The following DENND1A variants were observed in gnomAD, a reference collection of about 807,000 sequenced individuals.
DENND1A encodes the protein DENN domain containing 1A.
A neutral mutation model predicts 113.7 loss-of-function variants in DENND1A; 51 were observed. The observed-to-expected ratio is 0.45, with a 90% CI of 0.36 to 0.57. The LOEUF (loss-of-function observed/expected upper bound fraction) is 0.57, where lower values mean the gene tolerates loss of function less well. Ranked by LOEUF, DENND1A falls within the 20% of genes least tolerant of loss-of-function variation. The pLI is 0.00. For missense variants in DENND1A, 1,258 were observed against 1,395.9 expected, an observed-to-expected ratio of 0.90 and a Z score of 1.57; for synonymous variants, 565 against 570.8, an observed-to-expected ratio of 0.99 and a Z score of 0.14.
At position 123,517,177 on chromosome 9, in the gene DENND1A, C is replaced by G. The variant is rs1040092583; in HGVS notation, c.993+40393G>C. On this transcript the variant is annotated intron_variant, in intron 13 of 23. Coordinates refer to ENST00000394215, the MANE Select transcript of DENND1A (RefSeq NM_001352964.2). ...CTGAGGCAGGAGAATGGTGTGAACC[C>G]GGGATGTGGAGCTTGCAGTGAGCCG... 9.3e-5 allele frequency among the ~76,000 whole-genome samples: 14 copies of G among 150,050 alleles called. 1 individual carries two copies. The highest frequency in any genetic ancestry group is 2.7e-4 in the Admixed American group (4 of 15,006).
At chr9:123,834,797 T>C (rs1451423849) in intron 2 of DENND1A, among the ~76,000 whole-genome samples, 1 of 152,208 alleles carries the variant, frequency 6.6e-6, no homozygotes, top group Admixed American at 6.5e-5. Flanking sequence ...AGCTTGGAGC[T>C]AGGAAACCAA....
At chr9:123,687,060 A>C (rs2064855591) in intron 5 of DENND1A, among the ~76,000 whole-genome samples, 1 of 152,162 alleles carries the variant, frequency 6.6e-6, no homozygotes, top group Non-Finnish European at 1.5e-5. Flanking sequence ...TCAGGGAAGC[A>C]GTTCTGTCTC....
At chr9:123,762,264 C>T (rs1327998780) in intron 4 of DENND1A, among the ~76,000 whole-genome samples, 1 of 152,174 alleles carries the variant, frequency 6.6e-6, no homozygotes, top group Non-Finnish European at 1.5e-5. Context: ...CAGAAATAAA[C>T]CCAGGAGACC....
intron 12 of DENND1A, among the ~76,000 whole-genome samples, chr9:123,578,780 T>C (rs983540364): frequency 3.9e-5 from 6 of 152,114 alleles, no homozygotes. Context: ...CAAGGGGCTG[T>C]GGGGACATAG....
chr9:123,591,119 ACT>A (rs1480330397), intron 11 of DENND1A, among the ~76,000 whole-genome samples: 1 of 152,092 alleles, frequency 6.6e-6, no homozygotes, highest in Non-Finnish European at 1.5e-5. Flanking sequence ...TTTGATAAAC[ACT>A]CTATCTTTGG....
intron 23 of DENND1A, 147 bp from the exon 24 acceptor site, chr9:123,382,772 TCC>T: frequency 1.2e-6 from 1 of 839,256 alleles, no homozygotes; most frequent in Non-Finnish European, 1.9e-6. Context: ...AGCTGAGGGC[TCC>T]CCCAGGTTAC....
In DENND1A at chr9:123,703,332, C is replaced by T. The variant is rs149666235; in HGVS notation, c.303-26543G>A. ...CGTTATAAAAAGATGTAAATTATGA[C>T]ATCAAATTTCAAAATGTCAGGGGAG... On this transcript the variant is annotated intron_variant, in intron 5 of 23. Transcript: ENST00000394215. Among the ~76,000 whole-genome samples, 536 of 152,230 alleles carry T rather than the reference C, an allele frequency of 3.5e-3. 3 individuals carry two copies. Among genetic ancestry groups the T allele is most frequent in the African/African-American group, 0.011 (447 of 41,542 alleles).
chr9:123,586,005 G>A (rs1023615198), intron 11 of DENND1A, among the ~76,000 whole-genome samples: 7 of 152,020 alleles, frequency 4.6e-5, no homozygotes, highest in Admixed American at 6.6e-5. Context: ...GCAATGGCCC[G>A]AGGGCAAAAA....
chr9:123,403,009 AG>A (rs138228933), intron 21 of DENND1A, among the ~76,000 whole-genome samples: 3,876 of 152,270 alleles, frequency 0.025, 73 homozygotes, highest in African/African-American at 0.043. Context: ...TCCTGTATAT[AG>A]GTTCTCGGCC....
At chr9:123,447,790 C>CA (rs111439865) in intron 18 of DENND1A, among the ~76,000 whole-genome samples, 19,567 of 113,588 alleles carry the variant, frequency 0.17, 1,549 homozygotes, top group African/African-American at 0.27. Flanking sequence ...GGGAGAAGGA[C>CA]AAAAAAAAAA....
chr9:123,471,957 G>A (rs1187877666), intron 13 of DENND1A, among the ~76,000 whole-genome samples: 2 of 152,214 alleles, frequency 1.3e-5, no homozygotes, highest in South Asian at 4.1e-4. Context: ...ATTCTGTACC[G>A]CCCAGGGGCT....
At chr9:123,587,797 T>C (rs1288177654) in intron 11 of DENND1A, among the ~76,000 whole-genome samples, 3 of 152,212 alleles carry the variant, frequency 2.0e-5, no homozygotes, top group Non-Finnish European at 2.9e-5. Context: ...TTTCATCTTT[T>C]ATTCTGTAGC....
At chr9:123,803,064 T>C (rs1386681807) in intron 2 of DENND1A, among the ~76,000 whole-genome samples, 1 of 152,238 alleles carries the variant, frequency 6.6e-6, no homozygotes, top group Admixed American at 6.5e-5. Flanking sequence ...TTAAATTCTA[T>C]TGTTATAACT....
At chr9:123,826,011 G>C (rs1310758383) in intron 2 of DENND1A, among the ~76,000 whole-genome samples, 3 of 152,184 alleles carry the variant, frequency 2.0e-5, no homozygotes, top group Non-Finnish European at 4.4e-5. Context: ...ATACCTGAGT[G>C]AGAGTCAAAG....
intron 6 of DENND1A, among the ~76,000 whole-genome samples, chr9:123,676,018 A>C (rs1465503132): frequency 1.3e-5 from 2 of 152,254 alleles, no homozygotes; most frequent in African/African-American, 2.4e-5. Flanking sequence ...ATCAAGGTAC[A>C]TGACAAAATG....
At chr9:123,747,449 T>C (rs986561483) in intron 5 of DENND1A, among the ~76,000 whole-genome samples, 3 of 152,192 alleles carry the variant, frequency 2.0e-5, no homozygotes, top group Non-Finnish European at 1.5e-5. Context: ...GTATTATAGA[T>C]AAGGGATTTA....
At chr9:123,551,031 G>T (rs140797260) in intron 13 of DENND1A, among the ~76,000 whole-genome samples, 2 of 152,332 alleles carry the variant, frequency 1.3e-5, no homozygotes, top group East Asian at 3.9e-4. Flanking sequence ...CTGGAGCCTG[G>T]GCTGCCGCTT....
intron 11 of DENND1A, among the ~76,000 whole-genome samples, chr9:123,598,386 T>C (rs2059791374): frequency 6.8e-6 from 1 of 147,302 alleles, no homozygotes; most frequent in Admixed American, 6.9e-5. Context: ...GGAACTCTGA[T>C]CTCCCCTGAT....
intron 19 of DENND1A, among the ~76,000 whole-genome samples, chr9:123,416,175 C>T (rs1335661944): frequency 6.6e-6 from 1 of 152,166 alleles, no homozygotes; most frequent in Admixed American, 6.5e-5. Flanking sequence ...AGTGGTTCCT[C>T]TCCCATCTGA....
Sources: gnomAD v4.1 joint callset for allele counts (sites outside exome capture counted in the v4.1 genomes callset) on GRCh38, gnomAD v4.1.1 for gene constraint, MANE v1.5 for transcripts, NCBI Gene and HGNC (gene_info 2026-07-23, HGNC 2026-07-21) for gene names.